GMDS: variants seen among roughly 807,000 people sequenced by gnomAD.
The protein encoded by GMDS is GDP-mannose 4,6-dehydratase, also known as GDP-mannose 4,6 dehydratase.
In GMDS, 20 loss-of-function variants were observed where a neutral mutation model predicts 49.9. The ratio of observed to expected loss-of-function variants is 0.40; its 90% CI spans 0.28 to 0.58. GMDS has a LOEUF of 0.58. Among genes scored for constraint, GMDS ranks in the 20% least tolerant of loss-of-function variants. The pLI is 0.42. For synonymous variants in GMDS, 177 were observed against 178.6 expected (o/e 0.99, Z 0.07); for missense variants, 362 against 481.4 (o/e 0.75, Z 2.32).
chr6:2,216,718 TA>T (rs1448423595), intron 1 of GMDS, among the ~76,000 whole-genome samples: 1 of 148,830 alleles, frequency 6.7e-6, no homozygotes, highest in Non-Finnish European at 1.5e-5. Context: ...ACAAATTTTC[TA>T]AGGAGGAAGC....
At chr6:1,996,522 G>A (rs886621680) in intron 4 of GMDS, among the ~76,000 whole-genome samples, 14 of 152,194 alleles carry the variant, frequency 9.2e-5, no homozygotes, top group African/African-American at 3.4e-4. Flanking sequence ...AAGTCTGCTG[G>A]TAGACAGGAA....
At chr6:1,974,877 A>C (rs1764809625) in intron 4 of GMDS, among the ~76,000 whole-genome samples, 1 of 141,936 alleles carries the variant, frequency 7.0e-6, no homozygotes, top group Admixed American at 7.0e-5. Flanking sequence ...TTAAAAAAAA[A>C]AGAAAAAAAA....
At chr6:1,684,422 G>A (rs12210324) in intron 9 of GMDS, among the ~76,000 whole-genome samples, 53,860 of 152,052 alleles carry the variant, frequency 0.35, 9,828 homozygotes, top group East Asian at 0.49. Flanking sequence ...AGCAACATTC[G>A]TATCATCCCC....
chr6:1,994,406 C>T (rs527555632), intron 4 of GMDS, among the ~76,000 whole-genome samples: 7 of 152,084 alleles, frequency 4.6e-5, no homozygotes, highest in South Asian at 2.1e-4. Context: ...AAATGATATG[C>T]TATATTCCAT....
intron 7 of GMDS, among the ~76,000 whole-genome samples, chr6:1,759,507 G>A (rs1768081526): frequency 6.6e-6 from 1 of 152,266 alleles, no homozygotes; most frequent in East Asian, 1.9e-4. Context: ...AATTCTACGT[G>A]CTGGTTACAA....
intron 7 of GMDS, among the ~76,000 whole-genome samples, chr6:1,745,691 T>C (rs747619492): frequency 2.0e-5 from 3 of 152,208 alleles, no homozygotes; most frequent in Non-Finnish European, 4.4e-5. Flanking sequence ...AAAGTTCATA[T>C]TGTACCAGAC....
At chr6:1,840,461 A>G (rs1757106973) in intron 7 of GMDS, among the ~76,000 whole-genome samples, 2 of 152,200 alleles carry the variant, frequency 1.3e-5, no homozygotes, top group African/African-American at 4.8e-5. Context: ...TTGTGCAAGT[A>G]AAAAGAAGAA....
At chr6:1,934,745 A>ATT (rs781658231) in intron 6 of GMDS, among the ~76,000 whole-genome samples, 1 of 150,758 alleles carries the variant, frequency 6.6e-6, no homozygotes, top group African/African-American at 2.4e-5. Context: ...GCTTAAAATG[A>ATT]TTTTTTTTTT....
chr6:2,175,158 T>C (rs1369828216), intron 1 of GMDS, among the ~76,000 whole-genome samples: 2 of 152,158 alleles, frequency 1.3e-5, no homozygotes, highest in Admixed American at 1.3e-4. Context: ...TATGAAATAA[T>C]CACATTTTTG....
At chr6:1,965,143 T>A (rs1023784114) in intron 4 of GMDS, among the ~76,000 whole-genome samples, 4 of 152,154 alleles carry the variant, frequency 2.6e-5, no homozygotes, top group Non-Finnish European at 5.9e-5. Flanking sequence ...TATGTGTGCA[T>A]GTGTCTTTAT....
intron 9 of GMDS, among the ~76,000 whole-genome samples, chr6:1,670,370 GTTT>G (rs371549673): frequency 7.0e-6 from 1 of 143,290 alleles, no homozygotes. Context: ...GTTTTTTTTG[GTTT>G]TTTTTTTTTT....
chr6:2,043,009 A>T (rs754263400), intron 4 of GMDS, among the ~76,000 whole-genome samples: 1 of 152,196 alleles, frequency 6.6e-6, no homozygotes, highest in Non-Finnish European at 1.5e-5. Context: ...TAAAGACAGC[A>T]CTATGGCTAG....
At chr6:2,029,775 T>A (rs1768836318) in intron 4 of GMDS, among the ~76,000 whole-genome samples, 1 of 152,174 alleles carries the variant, frequency 6.6e-6, no homozygotes, top group Non-Finnish European at 1.5e-5. Context: ...AAAGCTTATC[T>A]TTAACAAATT....
intron 1 of GMDS, among the ~76,000 whole-genome samples, chr6:2,220,117 A>G (rs1407329581): frequency 6.6e-6 from 1 of 152,216 alleles, no homozygotes. Flanking sequence ...AAAGACTTGT[A>G]AGACAAAAAT....
At chr6:1,700,910 G>A (rs1302471850) in intron 9 of GMDS, among the ~76,000 whole-genome samples, 2 of 152,126 alleles carry the variant, frequency 1.3e-5, no homozygotes, top group East Asian at 3.9e-4. Flanking sequence ...CAGGTGGCAG[G>A]AGTCAAGAAG....
At chr6:1,879,747 G>A (rs1051340456) in intron 7 of GMDS, among the ~76,000 whole-genome samples, 5 of 152,126 alleles carry the variant, frequency 3.3e-5, no homozygotes, top group African/African-American at 1.2e-4. Context: ...AACCAACTCA[G>A]ACATCTGTTG....
rs1156615556 is a variant in GMDS at position 2,181,128 on chromosome 6, T to C, written c.103-56397A>G. 2.4e-5 allele frequency among the ~76,000 whole-genome samples: 3 copies of C among 123,050 alleles called. No individual in the cohort carries two copies. The East Asian group carries it at 7.2e-4, about 30-fold the overall frequency. The allele number at this position is 123,050 out of a possible 152,430, so 80.7% of individuals were successfully genotyped here. A position where few individuals can be genotyped will look rare whatever the true frequency, so the allele number is the denominator to read the frequency against. On this transcript the variant is annotated intron_variant, in intron 1 of 10. Transcript: ENST00000380815. ...TGGTGGAGCTTGCAGTGAGCCGAGA[T>C]CACACCACTGCACTCCATCCTGGGT...
chr6:1,869,326 G>A (rs1043881940), intron 7 of GMDS, among the ~76,000 whole-genome samples: 12 of 152,088 alleles, frequency 7.9e-5, no homozygotes, highest in South Asian at 2.1e-4. Context: ...AATCAAGGGC[G>A]TAAGTCACAG....
intron 1 of GMDS, among the ~76,000 whole-genome samples, chr6:2,221,373 T>A (rs959942140): frequency 6.6e-6 from 1 of 151,796 alleles, no homozygotes; most frequent in Non-Finnish European, 1.5e-5. Flanking sequence ...TAAAGTAGTG[T>A]CATCTAAAAT....
Sources: allele counts gnomAD v4.1 joint callset (sites outside exome capture counted in the v4.1 genomes callset), GRCh38; gene constraint gnomAD v4.1.1; transcripts MANE v1.5; gene names NCBI Gene and HGNC (gene_info 2026-07-23, HGNC 2026-07-21).